FSTL5: variants seen among roughly 807,000 people sequenced by gnomAD.
FSTL5 encodes the protein follistatin like 5, also known as follistatin-related protein 5.
Under a neutral mutation model 89.1 loss-of-function variants are expected in FSTL5, and 62 were observed. The observed-to-expected ratio is 0.70, with a 90% CI of 0.57 to 0.86. The LOEUF is 0.86. Ranked by LOEUF, FSTL5 falls within the 40% of genes least tolerant of loss-of-function variation. The pLI is 0.00. For synonymous variants in FSTL5, 383 were observed against 346.2 expected (o/e 1.11, Z -1.18); for missense variants, 1,057 against 1,001.6 (o/e 1.06, Z -0.75).
intron 4 of FSTL5, among the ~76,000 whole-genome samples, chr4:161,812,026 T>C (rs1240440721): frequency 6.6e-6 from 1 of 152,126 alleles, no homozygotes; most frequent in Non-Finnish European, 1.5e-5. Flanking sequence ...GTGAATATAA[T>C]ATAAATATTA....
intron 3 of FSTL5, among the ~76,000 whole-genome samples, chr4:162,016,522 T>G (rs1736920944): frequency 6.6e-6 from 1 of 152,064 alleles, no homozygotes; most frequent in African/African-American, 2.4e-5. Flanking sequence ...GTGGAGAAAA[T>G]TTGATTTTCT....
chr4:161,534,031 T>C (rs891611342), intron 10 of FSTL5, among the ~76,000 whole-genome samples: 3 of 151,964 alleles, frequency 2.0e-5, no homozygotes, highest in Middle Eastern at 3.4e-3. Context: ...AATCCAATAT[T>C]CATTCACGGT....
At chr4:162,125,445 T>G (rs1330402144) in intron 1 of FSTL5, among the ~76,000 whole-genome samples, 1 of 152,168 alleles carries the variant, frequency 6.6e-6, no homozygotes, top group South Asian at 2.1e-4. Flanking sequence ...ACTATGGTTC[T>G]TGAAAAGTTT....
chr4:161,553,561 A>C (rs1195283127), intron 8 of FSTL5, among the ~76,000 whole-genome samples: 1 of 151,324 alleles, frequency 6.6e-6, no homozygotes, highest in African/African-American at 2.4e-5. Context: ...ACATCCAATG[A>C]GTGATAGGTT....
intron 4 of FSTL5, among the ~76,000 whole-genome samples, chr4:161,836,887 G>A (rs1416697625): frequency 6.6e-6 from 1 of 152,036 alleles, no homozygotes; most frequent in Non-Finnish European, 1.5e-5. Flanking sequence ...GAATAATTGA[G>A]TGGATGTTGA....
chr4:161,538,357 C>T (rs570519065), intron 9 of FSTL5, 57 bp from the exon 10 acceptor site: 8 of 1,576,494 alleles, frequency 5.1e-6, no homozygotes, highest in South Asian at 1.1e-5. Flanking sequence ...TGGAACAGTG[C>T]TTTCTGATTA....
chr4:161,978,119 C>A (rs1735716781), intron 3 of FSTL5, among the ~76,000 whole-genome samples: 1 of 152,060 alleles, frequency 6.6e-6, no homozygotes, highest in African/African-American at 2.4e-5. Context: ...ATATAACAGC[C>A]AAAGTAATGG....
intron 3 of FSTL5, among the ~76,000 whole-genome samples, chr4:161,925,215 T>C (rs1734090479): frequency 6.6e-6 from 1 of 151,950 alleles, no homozygotes; most frequent in African/African-American, 2.4e-5. Flanking sequence ...ATCTATTATT[T>C]ATAGTTCACC....
At chr4:161,513,498 A>T (rs990315440) in intron 10 of FSTL5, among the ~76,000 whole-genome samples, 10 of 152,206 alleles carry the variant, frequency 6.6e-5, no homozygotes, top group African/African-American at 2.4e-4. Context: ...AAATGTGTAT[A>T]AATGTATATA....
At chr4:161,754,740 A>T (rs1012929122) in intron 6 of FSTL5, among the ~76,000 whole-genome samples, 2 of 152,144 alleles carry the variant, frequency 1.3e-5, no homozygotes, top group African/African-American at 4.8e-5. Context: ...AAAGACATTT[A>T]TTTGAGCATC....
chr4:161,511,018 AG>A (rs1370476666), intron 10 of FSTL5, among the ~76,000 whole-genome samples: 2 of 152,136 alleles, frequency 1.3e-5, no homozygotes, highest in Non-Finnish European at 2.9e-5. Context: ...CTTGAACCAC[AG>A]GTTTTAAAAA....
intron 4 of FSTL5, among the ~76,000 whole-genome samples, chr4:161,873,537 CA>C (rs1434499861): frequency 6.8e-6 from 1 of 146,700 alleles, no homozygotes; most frequent in Non-Finnish European, 1.5e-5. Context: ...CCCTCCATCC[CA>C]CACTCCTTCC....
Position 161,459,314 on chromosome 4 carries a change from C to T in FSTL5, c.1614G>A (p.Val538=). 6.2e-7 allele frequency: 1 copy of T among 1,601,626 alleles called. No individual in the cohort carries two copies. The stretch of plus-strand genomic sequence containing the variant: ...ATTTAACTGGGACAGGGTCTGTGCT[C>T]ACTGCCTACAATAAAGAAGAATTGA... ...DVQSQKVVQA[V]STDPVPVKLH... Residue 538 remains valine, a synonymous_variant, in exon 14 of 16, where the codon GTG becomes GTA. Transcript: ENST00000306100.
chr4:161,637,990 A>G (rs1215471490), intron 7 of FSTL5, among the ~76,000 whole-genome samples: 1 of 151,926 alleles, frequency 6.6e-6, no homozygotes, highest in Non-Finnish European at 1.5e-5. Context: ...GTTTTTTCCA[A>G]TTCTGTGAAG....
intron 10 of FSTL5, among the ~76,000 whole-genome samples, chr4:161,525,893 G>A (rs978069054): frequency 1.3e-5 from 2 of 151,974 alleles, no homozygotes; most frequent in African/African-American, 4.8e-5. Context: ...ACTATTTTAA[G>A]GTATGTTTTC....
chr4:161,834,354 G>A (rs1237218554), intron 4 of FSTL5, among the ~76,000 whole-genome samples: 1 of 152,076 alleles, frequency 6.6e-6, no homozygotes, highest in Admixed American at 6.6e-5. Context: ...CATACTGAAT[G>A]GGCAAAAACT....
At chr4:161,850,182 A>G (rs1430416209) in intron 4 of FSTL5, among the ~76,000 whole-genome samples, 2 of 152,214 alleles carry the variant, frequency 1.3e-5, no homozygotes, top group East Asian at 1.9e-4. Context: ...AAAGTAGACT[A>G]TAACTTAGGG....
At chr4:162,160,096 G>A (rs1246222847) in intron 1 of FSTL5, among the ~76,000 whole-genome samples, 2 of 151,766 alleles carry the variant, frequency 1.3e-5, no homozygotes, top group African/African-American at 2.4e-5. Context: ...ATATATATGT[G>A]TATATACATA....
chr4:161,753,479 G>A (rs1459544429), intron 6 of FSTL5, among the ~76,000 whole-genome samples: 2 of 152,028 alleles, frequency 1.3e-5, no homozygotes, highest in East Asian at 1.9e-4. Flanking sequence ...CATTTTTACT[G>A]TTGCTTCTTT....
Sources: allele counts gnomAD v4.1 joint callset (sites outside exome capture counted in the v4.1 genomes callset), GRCh38; gene constraint gnomAD v4.1.1; transcripts MANE v1.5; gene names NCBI Gene and HGNC (gene_info 2026-07-23, HGNC 2026-07-21).